Variants in RFFL observed in about 807,000 individuals in gnomAD.
RFFL encodes the protein ring finger and FYVE like domain containing E3 ubiquitin protein ligase.
Under a neutral mutation model 40.4 loss-of-function variants are expected in RFFL, and 16 were observed. That is an observed-to-expected ratio of 0.40 (90% confidence interval 0.27 to 0.60). RFFL has a LOEUF of 0.60. Among genes scored for constraint, RFFL ranks in the 20% least tolerant of loss-of-function variants. The probability of loss-of-function intolerance (pLI) is 0.47; values close to 1 mark genes in which losing one functional copy is unlikely to be tolerated. For synonymous variants in RFFL, 154 were observed against 167.9 expected, an observed-to-expected ratio of 0.92 and a Z score of 0.64; for missense variants, 367 against 451.7, an observed-to-expected ratio of 0.81 and a Z score of 1.70.
At chr17:35,036,313 A>G (rs2091122085) in intron 1 of RFFL, 1 of 152,204 alleles carries the variant, frequency 6.6e-6, no homozygotes, top group Non-Finnish European at 1.5e-5. Flanking sequence ...GATAAATGAA[A>G]AACTTTTCTC....
At chr17:35,048,683 C>T (rs549315071) in intron 1 of RFFL, among the ~76,000 whole-genome samples, 1 of 151,968 alleles carries the variant, frequency 6.6e-6, no homozygotes, top group African/African-American at 2.4e-5. Context: ...TTTAGAATTT[C>T]TCCCTTAGCT....
In RFFL at chr17:35,007,405, A is replaced by G. The variant is rs2090902956; in HGVS notation, c.*4563T>C. ...GTATTTCAATGCAGCCCTCAACATC[A>G]TCATCATAAATCTCTCCAGCAGAAT... On this transcript the variant is annotated 3_prime_UTR_variant, in exon 7 of 7. Transcript: ENST00000394597. The G allele has an allele frequency of 6.6e-6, 1 of 152,092 alleles. No homozygotes were observed. The highest frequency in any genetic ancestry group is 2.4e-5 in the African/African-American group (1 of 41,404). The allele number at this position is 152,092 out of a possible 1,614,324, so 9.4% of individuals were successfully genotyped here.
chr17:35,068,520 C>T (rs980283174), upstream of RFFL, among the ~76,000 whole-genome samples: 7 of 152,210 alleles, frequency 4.6e-5, no homozygotes, highest in African/African-American at 1.2e-4. Flanking sequence ...GCAAAACAAC[C>T]CCCCAGTTGT....
In RFFL at chr17:35,014,853, T is replaced by TA. The variant is rs554862623; in HGVS notation, c.887-91dup. On this transcript the variant is annotated intron_variant, in intron 5 of 6. Transcript: ENST00000394597. ...TGCCCTGACATCATTTCTGAACTCTTACCACTCCCTGCTGGGAACCAGGCT... is the reference window on the plus strand; with the variant it reads ...TGCCCTGACATCATTTCTGAACTCTTAACCACTCCCTGCTGGGAACCAGGCT... 712 of 1,288,710 alleles carry TA rather than the reference T, an allele frequency of 5.5e-4. 5 individuals carry two copies. The African/African-American group carries it at 8.8e-3, about 16-fold the overall frequency. 79.8% of individuals were successfully genotyped at this position (1,288,710 alleles called of 1,614,324 possible). A position where few individuals can be genotyped will look rare whatever the true frequency, so the allele number is the denominator to read the frequency against.
rs942129180 is a variant in RFFL at position 35,007,222 on chromosome 17, C to G, written c.*4746G>C. On this transcript the variant is annotated 3_prime_UTR_variant, in exon 7 of 7. Coordinates refer to ENST00000394597, the MANE Select transcript of RFFL (RefSeq NM_001017368.2). ...CAGAGTGCACACTCACAGGAAAGGG[C>G]CTCTGCTGGCTGCAGGTGATCATCT... 5 of 152,294 alleles carry G rather than the reference C, an allele frequency of 3.3e-5. No homozygotes were observed. In the East Asian group the frequency reaches 7.7e-4, roughly 23 times the overall value. 9.4% of individuals were successfully genotyped at this position (152,294 alleles called of 1,614,324 possible). A position where few individuals can be genotyped will look rare whatever the true frequency, so the allele number is the denominator to read the frequency against.
At chr17:35,026,269 A>G (rs2091039729) in intron 2 of RFFL, 105 bp downstream of exon 2, 3 of 1,141,506 alleles carry the variant, frequency 2.6e-6, no homozygotes, top group Non-Finnish European at 2.5e-6. Context: ...GGTCACCAGC[A>G]TCACACAGGG....
rs867870747 is a variant in RFFL, at chr17:35,014,659, A to C, written c.910+81T>G. ...GGGGGCTCAAATGCTCAGAATTCTT[A>C]GATTACTAAAGGGATTGGGGTTGAA... On this transcript the variant is annotated intron_variant, in intron 6 of 6. Coordinates refer to ENST00000394597, the MANE Select transcript of RFFL (RefSeq NM_001017368.2). 4 of 1,316,688 alleles carry C rather than the reference A, an allele frequency of 3.0e-6. No homozygotes were observed. In the South Asian group the frequency reaches 4.7e-5, roughly 16 times the overall value. The allele number at this position is 1,316,688 out of a possible 1,614,324, so 81.6% of individuals were successfully genotyped here.
chr17:35,060,788 G>A (rs373511067), intron 1 of RFFL, among the ~76,000 whole-genome samples: 23 of 152,234 alleles, frequency 1.5e-4, no homozygotes, highest in East Asian at 5.8e-4. Context: ...GTTTGAGCCC[G>A]GAGATCCACG....
chr17:35,009,322 G>T lies in RFFL; in HGVS notation c.*2646C>A, dbSNP rs1270751413. The T allele has an allele frequency of 1.3e-5, 2 of 152,154 alleles. No individual in the cohort carries two copies. Among genetic ancestry groups the T allele is most frequent in the Admixed American group, 6.6e-5 (1 of 15,260 alleles). The allele number at this position is 152,154 out of a possible 1,614,324, so 9.4% of individuals were successfully genotyped here. A position where few individuals can be genotyped will look rare whatever the true frequency, so the allele number is the denominator to read the frequency against. On this transcript the variant is annotated 3_prime_UTR_variant, in exon 7 of 7. Coordinates refer to ENST00000394597, the MANE Select transcript of RFFL (RefSeq NM_001017368.2). Reference sequence around the variant, plus strand: ...TGTACAGCTTATTCTTATTAGTTTGGATCCAACTATTCCAATGTATTATGA... The same window carrying T: ...TGTACAGCTTATTCTTATTAGTTTGTATCCAACTATTCCAATGTATTATGA...
rs2090916721 is a variant in RFFL at position 35,008,975 on chromosome 17, C to T, written c.*2993G>A. ...AGAGACAAGGTCTCACTACATTGCC[C>T]AGGTTGGTCTCAAACTCCTGAGCTC... On this transcript the variant is annotated 3_prime_UTR_variant, in exon 7 of 7. Coordinates refer to ENST00000394597, the MANE Select transcript of RFFL (RefSeq NM_001017368.2). 1 of 152,240 alleles carries T rather than the reference C, an allele frequency of 6.6e-6. No homozygotes were observed. Among genetic ancestry groups the T allele is most frequent in the Non-Finnish European group, 1.5e-5 (1 of 68,066 alleles). The allele number at this position is 152,240 out of a possible 1,614,324, so 9.4% of individuals were successfully genotyped here.
At chr17:35,076,673 C>T (rs889178337) in intron 1 of RFFL, 6 of 99,568 alleles carry the variant, frequency 6.0e-5, no homozygotes, top group Non-Finnish European at 1.3e-4. Context: ...AACAAAACTC[C>T]GTCTCAAATA....
At chr17:35,036,780 G>A (rs1230031730) in intron 1 of RFFL, among the ~76,000 whole-genome samples, 1 of 152,206 alleles carries the variant, frequency 6.6e-6, no homozygotes, top group Non-Finnish European at 1.5e-5. Context: ...GGTAGATAAT[G>A]TGATTTCTAC....
intron 1 of RFFL, among the ~76,000 whole-genome samples, chr17:35,053,100 A>G (rs1249152779): frequency 1.3e-5 from 2 of 152,226 alleles, no homozygotes; most frequent in African/African-American, 4.8e-5. Flanking sequence ...AATTGGCATT[A>G]GTATCTGAAT....
chr17:35,026,695 T>C, intron 1 of RFFL, 134 bp from the exon 2 acceptor site: 2 of 684,208 alleles, frequency 2.9e-6, no homozygotes, highest in Non-Finnish European at 4.8e-6. Flanking sequence ...GGATGTGTTT[T>C]CAAACAGATT....
intron 3 of RFFL, 146 bp downstream of exon 3, chr17:35,021,225 C>T: frequency 6.5e-6 from 5 of 769,096 alleles, no homozygotes; most frequent in Non-Finnish European, 7.8e-6. Context: ...ACCCAGAAAA[C>T]ACTTGGTGCA....
At chr17:35,071,748 G>A (rs2091352043) in intron 1 of RFFL, among the ~76,000 whole-genome samples, 1 of 152,022 alleles carries the variant, frequency 6.6e-6, no homozygotes, top group Admixed American at 6.5e-5. Flanking sequence ...ACAATCACCT[G>A]TACACAAATG....
intron 1 of RFFL, among the ~76,000 whole-genome samples, chr17:35,040,617 TA>T (rs1211951541): frequency 2.1e-5 from 3 of 145,062 alleles, no homozygotes; most frequent in Admixed American, 6.9e-5. Context: ...AAAAAAAAAG[TA>T]AAAAAAAAAT....
intron 1 of RFFL, among the ~76,000 whole-genome samples, chr17:35,039,579 AT>A (rs1340924531): frequency 6.6e-6 from 1 of 152,184 alleles, no homozygotes; most frequent in Non-Finnish European, 1.5e-5. Context: ...TAACAAAAAA[AT>A]AAAAAATAAA....
At chr17:35,028,388 A>T (rs1262739810) in intron 1 of RFFL, among the ~76,000 whole-genome samples, 1 of 152,076 alleles carries the variant, frequency 6.6e-6, no homozygotes, top group Non-Finnish European at 1.5e-5. Flanking sequence ...GTACATATCA[A>T]ATGCAGGTAC....
Sources: allele counts gnomAD v4.1 joint callset (sites outside exome capture counted in the v4.1 genomes callset), GRCh38; gene constraint gnomAD v4.1.1; transcripts MANE v1.5; gene names NCBI Gene and HGNC (gene_info 2026-07-23, HGNC 2026-07-21).